Variants in LMBR1 observed in about 807,000 individuals in gnomAD.
LMBR1 encodes limb region 1 protein homolog.
Under a neutral mutation model 73.9 loss-of-function variants are expected in LMBR1, and 52 were observed. That is an observed-to-expected ratio of 0.70 (90% CI 0.56 to 0.89). The LOEUF (loss-of-function observed/expected upper bound fraction) is 0.89. LMBR1 is among the 40% of genes least tolerant of loss of function. The pLI, the probability that LMBR1 is intolerant of heterozygous loss-of-function variation, is 0.00. For synonymous variants in LMBR1, 215 were observed against 209.4 expected (o/e 1.03, Z -0.23); for missense variants, 539 against 579.8 (o/e 0.93, Z 0.72).
In LMBR1 at chr7:156,762,141, T is replaced by C; in HGVS notation, c.677A>G (p.Lys226Arg). 1 of 1,595,960 alleles carries C rather than the reference T, an allele frequency of 6.3e-7. No homozygotes were observed. Among genetic ancestry groups the C allele is most frequent in the Non-Finnish European group, 8.6e-7 (1 of 1,163,670 alleles). ...MFTVMGQLLV[K>R]PTILEDLDEQ... is the part of the protein sequence containing the mutation. ...TTATAATTAAATACTTACTGTTGGCTTCACTAGCAACTGACCCATCACTGT... is the reference window on the plus strand; with the variant it reads ...TTATAATTAAATACTTACTGTTGGCCTCACTAGCAACTGACCCATCACTGT... Residue 226 changes from lysine (K) to arginine (R), a missense_variant, in exon 8 of 17, where the codon AAG becomes AGG. Around this residue, in one of 3 missense-constraint regions of LMBR1, gnomAD observed 454 missense variants for 473.4 expected, o/e 0.96. Coordinates refer to ENST00000353442, the MANE Select transcript of LMBR1 (RefSeq NM_022458.4).
intron 1 of LMBR1, among the ~76,000 whole-genome samples, chr7:156,855,658 C>T (rs1201761419): frequency 1.0e-5 from 1 of 95,802 alleles, no homozygotes; most frequent in African/African-American, 4.1e-5. Context: ...CAACAAACAA[C>T]GTAAATACAA....
rs571144769 is a variant in LMBR1 at position 156,784,409 on chromosome 7, G to T, written c.423+11980C>A. On this transcript the variant is annotated intron_variant, in intron 5 of 16. Transcript: ENST00000353442. ...CAGGACTAATTCTGGGAGCTGTCTT[G>T]TATGTTGGTGGACCTTTATGAGCAT... 6.2e-4 allele frequency among the ~76,000 whole-genome samples: 94 copies of T among 152,268 alleles called. 1 individual carries two copies. The highest frequency in any genetic ancestry group is 2.2e-3 in the African/African-American group (92 of 41,556).
chr7:156,829,346 G>C (rs1836261897), intron 3 of LMBR1, among the ~76,000 whole-genome samples: 1 of 152,198 alleles, frequency 6.6e-6, no homozygotes, highest in African/African-American at 2.4e-5. Flanking sequence ...CAGTGTTGGA[G>C]GTGGGGCCTC....
chr7:156,677,631 T>C (rs532329524), downstream of LMBR1, among the ~76,000 whole-genome samples: 1 of 152,346 alleles, frequency 6.6e-6, no homozygotes, highest in African/African-American at 2.4e-5. Flanking sequence ...GGGCTCAGAA[T>C]AACCCAGCAT....
intron 4 of LMBR1, among the ~76,000 whole-genome samples, chr7:156,800,668 T>C (rs1363967837): frequency 6.6e-6 from 1 of 152,148 alleles, no homozygotes; most frequent in Non-Finnish European, 1.5e-5. Context: ...TTATTTAAGA[T>C]ACATTCTGTA....
At chr7:156,861,610 A>C (rs772059865) in intron 1 of LMBR1, among the ~76,000 whole-genome samples, 3 of 152,070 alleles carry the variant, frequency 2.0e-5, no homozygotes, top group African/African-American at 4.8e-5. Context: ...CAGGCTGCGA[A>C]TTTTCCAAAC....
At position 156,756,514 on chromosome 7, in the gene LMBR1, T is replaced by A. The variant is rs751330268; in HGVS notation, c.685-49A>T. 1.0e-5 allele frequency: 9 copies of A among 871,586 alleles called. 1 individual carries two copies. Among genetic ancestry groups the A allele is most frequent in the Non-Finnish European group, 1.5e-5 (8 of 533,698 alleles). 54.0% of individuals were successfully genotyped at this position (871,586 alleles called of 1,614,324 possible). A position where few individuals can be genotyped will look rare whatever the true frequency, so the allele number is the denominator to read the frequency against. ...CAATAATTCAACGTTATAAAACGAA[T>A]GCTTATGAGACCATTTAGGCTATTT... is the stretch of plus-strand genomic sequence containing the variant. On this transcript the variant is annotated intron_variant, in intron 8 of 16. Coordinates refer to ENST00000353442, the MANE Select transcript of LMBR1 (RefSeq NM_022458.4).
chr7:156,779,512 G>C (rs1826738760), intron 5 of LMBR1: 1 of 239,406 alleles, frequency 4.2e-6, no homozygotes, highest in South Asian at 5.7e-5. Context: ...TAGACACACA[G>C]ATTTCTTTTA....
At chr7:156,880,150 T>C (rs1163510267) in intron 1 of LMBR1, among the ~76,000 whole-genome samples, 2 of 152,210 alleles carry the variant, frequency 1.3e-5, no homozygotes, top group Non-Finnish European at 2.9e-5. Context: ...TATGTAACTA[T>C]GGAATACTAC....
intron 1 of LMBR1, among the ~76,000 whole-genome samples, chr7:156,862,415 G>A (rs1248260150): frequency 1.3e-5 from 2 of 152,000 alleles, no homozygotes; most frequent in Non-Finnish European, 2.9e-5. Flanking sequence ...GAGATTTGGT[G>A]GGGGACACAG....
chr7:156,814,018 T>C (rs9654687), intron 4 of LMBR1, among the ~76,000 whole-genome samples: 11,603 of 152,190 alleles, frequency 0.076, 505 homozygotes, highest in East Asian at 0.14. Context: ...CTGTTCAAAA[T>C]AAATAAAACC....
chr7:156,831,593 G>A (rs1040435695), intron 3 of LMBR1, among the ~76,000 whole-genome samples: 1 of 152,002 alleles, frequency 6.6e-6, no homozygotes. Context: ...CGAACCCACT[G>A]ACCTTCAGGA....
intron 5 of LMBR1, among the ~76,000 whole-genome samples, chr7:156,792,491 TTTTAC>T (rs1001436305): frequency 6.6e-6 from 1 of 152,118 alleles, no homozygotes; most frequent in African/African-American, 2.4e-5. Flanking sequence ...AAAAAAAAAC[TTTTAC>T]TTTATCAAAA....
At chr7:156,877,521 C>A (rs1425966320) in intron 1 of LMBR1, among the ~76,000 whole-genome samples, 1 of 152,046 alleles carries the variant, frequency 6.6e-6, no homozygotes, top group East Asian at 1.9e-4. Context: ...TAACCGAATC[C>A]AAAAACATAT....
chr7:156,764,218 T>C (rs370084574), intron 5 of LMBR1, among the ~76,000 whole-genome samples: 1 of 152,178 alleles, frequency 6.6e-6, no homozygotes, highest in African/African-American at 2.4e-5. Flanking sequence ...CGGCTCTCTC[T>C]AGCATGGACT....
At chr7:156,871,709 A>C (rs986506019) in intron 1 of LMBR1, among the ~76,000 whole-genome samples, 1 of 152,256 alleles carries the variant, frequency 6.6e-6, no homozygotes, top group Non-Finnish European at 1.5e-5. Context: ...GATCATCTCA[A>C]TAGGCAGAAA....
chr7:156,725,685 C>A, intron 13 of LMBR1, 79 bp downstream of exon 13: 1 of 1,360,696 alleles, frequency 7.3e-7, no homozygotes, highest in South Asian at 1.2e-5. Flanking sequence ...AGACAAGTGT[C>A]TTAGTAAATA....
chr7:156,750,475 G>A (rs1010330256), intron 9 of LMBR1, among the ~76,000 whole-genome samples: 6 of 151,934 alleles, frequency 3.9e-5, no homozygotes, highest in African/African-American at 7.3e-5. Context: ...GCCTTATTTC[G>A]GCCTCTTCAC....
chr7:156,879,946 T>C (rs1800817734), intron 1 of LMBR1, among the ~76,000 whole-genome samples: 2 of 152,302 alleles, frequency 1.3e-5, no homozygotes, highest in South Asian at 4.1e-4. Context: ...GTGTGGAGAT[T>C]TGTTAAAGAA....
Sources: allele counts gnomAD v4.1 joint callset (sites outside exome capture counted in the v4.1 genomes callset), GRCh38; gene constraint gnomAD v4.1.1; regional missense constraint gnomAD v4.1.1; transcripts MANE v1.5; gene names NCBI Gene and HGNC (gene_info 2026-07-23, HGNC 2026-07-21).